OSBPL8: variants seen among roughly 807,000 people sequenced by gnomAD.
The protein encoded by OSBPL8 is oxysterol-binding protein-related protein 8.
Under a neutral mutation model 125.5 loss-of-function variants are expected in OSBPL8, and 59 were observed. The observed-to-expected ratio is 0.47, with a 90% confidence interval of 0.38 to 0.58. The LOEUF (loss-of-function observed/expected upper bound fraction) is 0.58, where lower values mean the gene tolerates loss of function less well. OSBPL8 is among the 20% of genes least tolerant of loss of function. The pLI, the probability that OSBPL8 is intolerant of heterozygous loss-of-function variation, is 0.00. For missense variants in OSBPL8, 758 were observed against 1,047.8 expected (o/e 0.72, Z 3.82); for synonymous variants, 330 against 338.9 (o/e 0.97, Z 0.29).
At chr12:76,428,841 A>G (rs1870473318) in intron 4 of OSBPL8, among the ~76,000 whole-genome samples, 1 of 152,176 alleles carries the variant, frequency 6.6e-6, no homozygotes, top group Non-Finnish European at 1.5e-5. Flanking sequence ...GTCTATTCAT[A>G]ACATTAAAAT....
intron 17 of OSBPL8, 29 bp from the exon 18 acceptor site, chr12:76,373,462 T>G (rs1326543593): frequency 6.8e-7 from 1 of 1,479,134 alleles, no homozygotes; most frequent in Non-Finnish European, 9.3e-7. Flanking sequence ...TTAAACATTT[T>G]ACTTTTCACT....
chr12:76,410,453 T>C lies in OSBPL8; in HGVS notation c.288+111A>G, dbSNP rs1177141872. On this transcript the variant is annotated intron_variant, in intron 5 of 23. Transcript: ENST00000261183. ...TTTAATACACACTACATGGTTCAGA[T>C]GTATCAACATAAAAACATCACAAAA... The C allele has an allele frequency of 2.4e-5, 18 of 743,182 alleles. No individual in the cohort carries two copies. The East Asian group carries it at 4.5e-4, about 19-fold the overall frequency. The allele number at this position is 743,182 out of a possible 1,614,324, so 46.0% of individuals were successfully genotyped here.
chr12:76,431,422 A>C (rs1414386559), intron 4 of OSBPL8, among the ~76,000 whole-genome samples: 1 of 152,162 alleles, frequency 6.6e-6, no homozygotes, highest in East Asian at 1.9e-4. Flanking sequence ...ACTTATCAAT[A>C]ATTATTTTAA....
Position 76,505,015 on chromosome 12 carries a change from T to G in OSBPL8, c.-67-17397A>C, listed in dbSNP as rs569406412. Among the ~76,000 whole-genome samples, 3 of 152,164 alleles carry G rather than the reference T, an allele frequency of 2.0e-5. No individual in the cohort carries two copies. In the South Asian group the frequency reaches 6.2e-4, roughly 32 times the overall value. On this transcript the variant is annotated intron_variant, in intron 1 of 23. Coordinates refer to ENST00000261183, the MANE Select transcript of OSBPL8 (RefSeq NM_020841.5). ...TGCATTCCCCAACCAATCACAGCAT[T>G]CCCCATTCCCTAGCATCCTGCCCAC...
At chr12:76,428,618 A>T (rs906389912) in intron 4 of OSBPL8, among the ~76,000 whole-genome samples, 1 of 152,112 alleles carries the variant, frequency 6.6e-6, no homozygotes, top group African/African-American at 2.4e-5. Context: ...AAGCAGCAGG[A>T]TGAGTTCGAG....
In OSBPL8 at chr12:76,451,283, T is replaced by C. The variant is rs183632957; in HGVS notation, c.80-295A>G. On this transcript the variant is annotated intron_variant, in intron 3 of 23. Coordinates refer to ENST00000261183, the MANE Select transcript of OSBPL8 (RefSeq NM_020841.5). Reference sequence around the variant, plus strand: ...CCTAAGGTTTACTGTGTGCCTTTCATTGTGCTATTTATTCTTTATATTTAC... The same window carrying C: ...CCTAAGGTTTACTGTGTGCCTTTCACTGTGCTATTTATTCTTTATATTTAC... Among the ~76,000 whole-genome samples, 6 of 152,244 alleles carry C rather than the reference T, an allele frequency of 3.9e-5. No individual in the cohort carries two copies. In the East Asian group the frequency reaches 9.7e-4, roughly 24 times the overall value.
At chr12:76,368,702 T>C (rs549177998) in intron 21 of OSBPL8, among the ~76,000 whole-genome samples, 2 of 152,294 alleles carry the variant, frequency 1.3e-5, no homozygotes, top group African/African-American at 4.8e-5. Context: ...ATTTTCATTT[T>C]TGTTATACTT....
intron 2 of OSBPL8, among the ~76,000 whole-genome samples, chr12:76,474,436 C>CATAT (rs200626362): frequency 3.3e-5 from 5 of 151,388 alleles, no homozygotes; most frequent in African/African-American, 1.2e-4. Context: ...TACACACATA[C>CATAT]ATATATATAT....
intron 2 of OSBPL8, among the ~76,000 whole-genome samples, chr12:76,460,737 A>G (rs1424489723): frequency 6.6e-6 from 1 of 152,198 alleles, no homozygotes; most frequent in African/African-American, 2.4e-5. Context: ...CCCATGGACA[A>G]GTGCTTTGGT....
chr12:76,548,224 A>G (rs923639003), intron 1 of OSBPL8, among the ~76,000 whole-genome samples: 4 of 152,184 alleles, frequency 2.6e-5, no homozygotes, highest in Non-Finnish European at 5.9e-5. Flanking sequence ...GGCTAGAAAG[A>G]AAATCCAACA....
At chr12:76,541,751 A>G (rs1430066295) in intron 1 of OSBPL8, among the ~76,000 whole-genome samples, 2 of 151,146 alleles carry the variant, frequency 1.3e-5, no homozygotes, top group Admixed American at 6.6e-5. Context: ...GCTATTCGAG[A>G]GGCTGAGGCA....
At chr12:76,422,450 C>T in intron 4 of OSBPL8, 1 of 437,078 alleles carries the variant, frequency 2.3e-6, no homozygotes, top group Non-Finnish European at 4.6e-6. Context: ...TGTTAAAATG[C>T]CTGGTTTATT....
intron 1 of OSBPL8, among the ~76,000 whole-genome samples, chr12:76,531,089 G>A (rs1251850813): frequency 6.6e-6 from 1 of 152,188 alleles, no homozygotes; most frequent in Non-Finnish European, 1.5e-5. Context: ...CCACATGGCT[G>A]AGAAGGCCTC....
intron 21 of OSBPL8, among the ~76,000 whole-genome samples, chr12:76,359,016 T>C (rs1952097918): frequency 6.6e-6 from 1 of 152,156 alleles, no homozygotes; most frequent in Non-Finnish European, 1.5e-5. Flanking sequence ...TTGGCACAAA[T>C]GTCAAAAAGT....
chr12:76,382,030 C>T lies in OSBPL8; in HGVS notation c.1630+2224G>A, dbSNP rs554083943. 1.1e-4 allele frequency among the ~76,000 whole-genome samples: 16 copies of T among 152,220 alleles called. No individual in the cohort carries two copies. The East Asian group carries it at 1.2e-3, about 11-fold the overall frequency. Reference sequence around the variant, plus strand: ...GATTACATGCCTGAGCCACCATGCGCGGCCTACTTTCCATTTACTTTCAGC... The same window carrying T: ...GATTACATGCCTGAGCCACCATGCGTGGCCTACTTTCCATTTACTTTCAGC... On this transcript the variant is annotated intron_variant, in intron 15 of 23. Coordinates refer to ENST00000261183, the MANE Select transcript of OSBPL8 (RefSeq NM_020841.5).
intron 21 of OSBPL8, among the ~76,000 whole-genome samples, chr12:76,360,948 C>A (rs1035688169): frequency 5.9e-5 from 9 of 152,226 alleles, no homozygotes; most frequent in Non-Finnish European, 8.8e-5. Context: ...AAGGGTGGGG[C>A]TGCCATGAAG....
At chr12:76,425,321 T>C (rs748587676) in intron 4 of OSBPL8, among the ~76,000 whole-genome samples, 1 of 152,218 alleles carries the variant, frequency 6.6e-6, no homozygotes, top group Non-Finnish European at 1.5e-5. Flanking sequence ...AAGCCTAATG[T>C]ACTAAGGCAT....
chr12:76,543,077 T>A (rs1008231358), intron 1 of OSBPL8, among the ~76,000 whole-genome samples: 3 of 152,142 alleles, frequency 2.0e-5, no homozygotes, highest in Admixed American at 6.6e-5. Context: ...CAATGGTAAT[T>A]ACATAGTGAA....
Position 76,392,708 on chromosome 12 carries a change from T to C in OSBPL8, c.802A>G (p.Ser268Gly), listed in dbSNP as rs768830443. The change falls in exon 10 of 24, where the codon AGT becomes GGT. Residue 268 changes from serine to glycine, a missense_variant. Transcript: ENST00000261183. ...DALELALKCS[S>G]LLKRTMIREG... ...CTGATCATTGTACGTTTAAGAAGAC[T>C]AGAACATTTCAAAGCCAACTCCAAA... The C allele has an allele frequency of 1.1e-5, 18 of 1,613,732 alleles. No homozygotes were observed. In the South Asian group the frequency reaches 2.0e-4, roughly 18 times the overall value.
Sources: gnomAD v4.1 joint callset for allele counts (sites outside exome capture counted in the v4.1 genomes callset) on GRCh38, gnomAD v4.1.1 for gene constraint, MANE v1.5 for transcripts, NCBI Gene and HGNC (gene_info 2026-07-23, HGNC 2026-07-21) for gene names.